Variants in CADPS2 observed in about 807,000 individuals in gnomAD.
The protein encoded by CADPS2 is calcium-dependent secretion activator 2.
In CADPS2, 93 loss-of-function variants were observed where a neutral mutation model predicts 172.5. The ratio of observed to expected loss-of-function variants is 0.54; its 90% confidence interval spans 0.46 to 0.64. The LOEUF (loss-of-function observed/expected upper bound fraction) is 0.64, where lower values mean the gene tolerates loss of function less well. Ranked by LOEUF, CADPS2 falls within the 30% of genes least tolerant of loss-of-function variation. CADPS2 has a pLI of 0.00. For synonymous variants in CADPS2, 546 were observed against 555.2 expected (o/e 0.98, Z 0.23); for missense variants, 1,420 against 1,565.9 (o/e 0.91, Z 1.57).
chr7:122,544,078 G>T (rs527383791), intron 8 of CADPS2, among the ~76,000 whole-genome samples: 1 of 152,096 alleles, frequency 6.6e-6, no homozygotes, highest in Non-Finnish European at 1.5e-5. Context: ...CCACTCCTAC[G>T]TGTCCACTCA....
At chr7:122,579,283 T>C (rs1473037960) in intron 7 of CADPS2, among the ~76,000 whole-genome samples, 4 of 151,678 alleles carry the variant, frequency 2.6e-5, no homozygotes, top group Admixed American at 6.6e-5. Flanking sequence ...GGGATGTTGT[T>C]AAATATCATA....
At chr7:122,425,040 C>T (rs373319465) in intron 17 of CADPS2, among the ~76,000 whole-genome samples, 59 of 152,078 alleles carry the variant, frequency 3.9e-4, no homozygotes, top group African/African-American at 1.3e-3. Context: ...GGTGCAGTGG[C>T]GTGATCATGT....
At chr7:122,744,743 C>T (rs1562919541) in intron 1 of CADPS2, among the ~76,000 whole-genome samples, 1 of 151,944 alleles carries the variant, frequency 6.6e-6, no homozygotes, top group East Asian at 1.9e-4. Context: ...ACAAATGGAC[C>T]CCAACCCAGT....
intron 7 of CADPS2, among the ~76,000 whole-genome samples, chr7:122,570,199 A>G (rs966471101): frequency 6.6e-6 from 1 of 151,750 alleles, no homozygotes. Context: ...AAAAACAAAC[A>G]AGCCCATCAA....
intron 9 of CADPS2, among the ~76,000 whole-genome samples, chr7:122,508,927 T>A (rs185913321): frequency 8.5e-5 from 13 of 152,250 alleles, no homozygotes; most frequent in Admixed American, 8.5e-4. Flanking sequence ...ATGGTTTGAT[T>A]TTTATCCTAC....
chr7:122,454,453 A>G (rs1042048488), intron 14 of CADPS2, among the ~76,000 whole-genome samples: 1 of 146,786 alleles, frequency 6.8e-6, no homozygotes, highest in Non-Finnish European at 1.5e-5. Context: ...AGAAAATAAT[A>G]ACGAGCAATA....
At chr7:122,327,669 TTAAG>T (rs1463400349) in intron 28 of CADPS2, among the ~76,000 whole-genome samples, 21 of 152,044 alleles carry the variant, frequency 1.4e-4, no homozygotes, top group Non-Finnish European at 2.1e-4. Context: ...GTACTTATAA[TTAAG>T]TGATAATTGA....
rs2031899512 is a variant in CADPS2 at position 122,319,342 on chromosome 7, T to C, written c.*823A>G. ...CAGATAGTTGGGATGTTTGAAACAC[T>C]GCAAACCTCTTTTACTGCATTTGCT... On this transcript the variant is annotated 3_prime_UTR_variant, in exon 30 of 30. Coordinates refer to ENST00000449022, the MANE Select transcript of CADPS2 (RefSeq NM_017954.11). 3 of 152,320 alleles carry C rather than the reference T, an allele frequency of 2.0e-5. No individual in the cohort carries two copies. The highest frequency in any genetic ancestry group is 6.5e-5 in the Admixed American group (1 of 15,296). The allele number at this position is 152,320 out of a possible 1,614,324, so 9.4% of individuals were successfully genotyped here.
chr7:122,388,475 G>T, intron 23 of CADPS2, 108 bp downstream of exon 23: 1 of 1,077,024 alleles, frequency 9.3e-7, no homozygotes, highest in East Asian at 2.6e-5. Flanking sequence ...TTGGAATAGT[G>T]GTGCATAATG....
intron 12 of CADPS2, among the ~76,000 whole-genome samples, chr7:122,480,447 C>A (rs2057154296): frequency 6.6e-6 from 1 of 152,070 alleles, no homozygotes; most frequent in African/African-American, 2.4e-5. Flanking sequence ...AAAGTAGCAA[C>A]TAGTGCCTCC....
At chr7:122,547,070 G>C (rs961441899) in intron 8 of CADPS2, among the ~76,000 whole-genome samples, 1 of 138,018 alleles carries the variant, frequency 7.2e-6, no homozygotes, top group Non-Finnish European at 1.6e-5. Context: ...CTCAAATCTA[G>C]GGTGTTTTTT....
At position 122,513,279 on chromosome 7, in the gene CADPS2, T is replaced by C; in HGVS notation, c.1512A>G (p.Arg504=). ...LYALGQKVWK[R]WKKRYFVLVQ... is the part of the protein sequence containing the mutation. ...CTAGAACAAAGTAACGTTTTTTCCA[T>C]CTTTTCCAAACCTTCTGTCCAAGGG... is the stretch of plus-strand genomic sequence containing the variant. Residue 504 remains arginine (R), a synonymous_variant, in exon 9 of 30, where the codon AGA becomes AGG. Coordinates refer to ENST00000449022, the MANE Select transcript of CADPS2 (RefSeq NM_017954.11). The C allele has an allele frequency of 6.4e-7, 1 of 1,563,012 alleles. No homozygotes were observed. Among genetic ancestry groups the C allele is most frequent in the Non-Finnish European group, 8.7e-7 (1 of 1,152,302 alleles).
At chr7:122,813,680 C>T (rs747902990) in intron 1 of CADPS2, among the ~76,000 whole-genome samples, 2 of 151,984 alleles carry the variant, frequency 1.3e-5, no homozygotes, top group Admixed American at 6.6e-5. Flanking sequence ...GCATAAAAAC[C>T]GCATTATTCT....
intron 8 of CADPS2, among the ~76,000 whole-genome samples, chr7:122,521,147 G>A (rs1027196117): frequency 6.6e-6 from 1 of 152,116 alleles, no homozygotes; most frequent in Non-Finnish European, 1.5e-5. Flanking sequence ...CCTCAGTCAA[G>A]GTTGAAAGAG....
chr7:122,794,854 C>G (rs1282301464), intron 1 of CADPS2, among the ~76,000 whole-genome samples: 4 of 151,288 alleles, frequency 2.6e-5, no homozygotes, highest in African/African-American at 9.7e-5. Context: ...ATTGAATCAA[C>G]TGCTCCTGAA....
At chr7:122,413,057 A>G (rs952734458) in intron 19 of CADPS2, 1 of 152,240 alleles carries the variant, frequency 6.6e-6, no homozygotes, top group South Asian at 2.1e-4. Flanking sequence ...GTCTTCACCC[A>G]ATCACTCACT....
intron 15 of CADPS2, among the ~76,000 whole-genome samples, chr7:122,450,814 C>A (rs958951280): frequency 6.6e-6 from 1 of 152,058 alleles, no homozygotes; most frequent in Admixed American, 6.6e-5. Context: ...GGATTACAGG[C>A]ATGAGACTCT....
intron 1 of CADPS2, among the ~76,000 whole-genome samples, chr7:122,740,265 A>C (rs771675616): frequency 7.9e-5 from 12 of 152,218 alleles, no homozygotes; most frequent in Non-Finnish European, 1.6e-4. Context: ...TGTCCACACA[A>C]ATACCTGTAC....
At chr7:122,654,952 C>G (rs1425471853) in intron 3 of CADPS2, among the ~76,000 whole-genome samples, 1 of 152,116 alleles carries the variant, frequency 6.6e-6, no homozygotes, top group African/African-American at 2.4e-5. Context: ...GATTCCAATC[C>G]TCACAGACGA....
Sources: allele counts gnomAD v4.1 joint callset (sites outside exome capture counted in the v4.1 genomes callset), GRCh38; gene constraint gnomAD v4.1.1; transcripts MANE v1.5; gene names NCBI Gene and HGNC (gene_info 2026-07-23, HGNC 2026-07-21).